Variants in CTNNA3 observed in about 807,000 individuals in gnomAD.
CTNNA3 encodes the protein catenin alpha-3.
Under a neutral mutation model 95.7 loss-of-function variants are expected in CTNNA3, and 76 were observed. The ratio of observed to expected loss-of-function variants is 0.79; its 90% CI spans 0.66 to 0.96. The LOEUF is 0.96. Among genes scored for constraint, CTNNA3 ranks in the 40% least tolerant of loss-of-function variants. The pLI is 0.00. For missense variants in CTNNA3, 1,191 were observed against 1,089.8 expected, an observed-to-expected ratio of 1.09 and a Z score of -1.31; for synonymous variants, 431 against 374.4, an observed-to-expected ratio of 1.15 and a Z score of -1.74.
At chr10:66,481,461 CTTTTTTTTTTTT>C (rs148278459) in intron 11 of CTNNA3, among the ~76,000 whole-genome samples, 26 of 73,238 alleles carry the variant, frequency 3.6e-4, no homozygotes, top group South Asian at 1.1e-3. Flanking sequence ...TCCCTTGTTT[CTTTTTTTTTTTT>C]TTTTTTTTTT....
chr10:66,775,537 A>C lies in CTNNA3; in HGVS notation c.1048-13T>G. On this transcript the variant is annotated splice_polypyrimidine_tract_variant and intron_variant, in intron 7 of 17. Coordinates refer to ENST00000433211, the MANE Select transcript of CTNNA3 (RefSeq NM_013266.4). ...CTTTTTTTCCAGCCTGCAAAGAAGA[A>C]AAAACGACATAAGCAATGGTATCAA... The C allele has an allele frequency of 6.3e-7, 1 of 1,577,454 alleles. No individual in the cohort carries two copies. Among genetic ancestry groups the C allele is most frequent in the Non-Finnish European group, 8.7e-7 (1 of 1,152,864 alleles).
intron 1 of CTNNA3, among the ~76,000 whole-genome samples, chr10:67,719,756 C>G (rs1207925116): frequency 6.6e-6 from 1 of 152,058 alleles, no homozygotes; most frequent in African/African-American, 2.4e-5. Context: ...CTATGTGGTG[C>G]TGAGAAGAAT....
intron 1 of CTNNA3, among the ~76,000 whole-genome samples, chr10:67,683,122 T>C (rs1026901725): frequency 8.5e-5 from 13 of 152,232 alleles, no homozygotes; most frequent in Non-Finnish European, 1.8e-4. Flanking sequence ...ATTCTTAAGA[T>C]TCCTTTGTAA....
chr10:66,163,102 G>A (rs2084936072), intron 13 of CTNNA3, among the ~76,000 whole-genome samples: 1 of 152,160 alleles, frequency 6.6e-6, no homozygotes. Context: ...TGAAGGGCGA[G>A]ATGGGCTTGA....
intron 13 of CTNNA3, among the ~76,000 whole-genome samples, chr10:66,258,207 C>T (rs1382105969): frequency 6.6e-6 from 1 of 152,174 alleles, no homozygotes; most frequent in African/African-American, 2.4e-5. Flanking sequence ...GACAAAAATA[C>T]AGTGTTAGTA....
intron 11 of CTNNA3, among the ~76,000 whole-genome samples, chr10:66,448,031 C>G (rs1208073307): frequency 6.6e-6 from 1 of 152,178 alleles, no homozygotes; most frequent in Non-Finnish European, 1.5e-5. Context: ...TGAGCAGATA[C>G]TTCTCAAAAG....
intron 2 of CTNNA3, among the ~76,000 whole-genome samples, chr10:67,644,943 G>T (rs896214137): frequency 2.0e-5 from 3 of 152,044 alleles, no homozygotes; most frequent in African/African-American, 7.2e-5. Flanking sequence ...AGAACTGTCT[G>T]GTATGTAAAA....
At chr10:66,147,819 G>A (rs906033881) in intron 13 of CTNNA3, among the ~76,000 whole-genome samples, 1 of 151,202 alleles carries the variant, frequency 6.6e-6, no homozygotes, top group Non-Finnish European at 1.5e-5. Flanking sequence ...AGTATGCTAT[G>A]TTTATATTAG....
At chr10:67,228,230 CAA>C (rs1254448972) in intron 5 of CTNNA3, among the ~76,000 whole-genome samples, 3 of 152,056 alleles carry the variant, frequency 2.0e-5, no homozygotes, top group South Asian at 2.1e-4. Flanking sequence ...ATAAATGAAA[CAA>C]AAAGTTAGTT....
At chr10:66,702,989 A>G (rs376916078) in intron 9 of CTNNA3, among the ~76,000 whole-genome samples, 1 of 152,258 alleles carries the variant, frequency 6.6e-6, no homozygotes, top group East Asian at 1.9e-4. Flanking sequence ...CCATTGGTCA[A>G]TGAAGAATTG....
intron 11 of CTNNA3, among the ~76,000 whole-genome samples, chr10:66,457,580 T>C (rs887450384): frequency 4.0e-5 from 6 of 150,482 alleles, no homozygotes. Flanking sequence ...CATTCATAAT[T>C]GCTGAAAAAC....
At chr10:66,845,754 TACACACAC>T (rs140313786) in intron 7 of CTNNA3, among the ~76,000 whole-genome samples, 1 of 108,630 alleles carries the variant, frequency 9.2e-6, no homozygotes, top group South Asian at 3.2e-4. Context: ...TATATATACA[TACACACAC>T]ACACACACAC....
intron 7 of CTNNA3, among the ~76,000 whole-genome samples, chr10:67,108,058 G>A (rs1858746824): frequency 6.6e-6 from 1 of 152,166 alleles, no homozygotes; most frequent in African/African-American, 2.4e-5. Flanking sequence ...CTGAAATAAG[G>A]AAAAGTCCTG....
At chr10:67,017,415 G>A (rs1205374995) in intron 7 of CTNNA3, among the ~76,000 whole-genome samples, 1 of 152,162 alleles carries the variant, frequency 6.6e-6, no homozygotes. Flanking sequence ...GAAGAACAGA[G>A]TTGATTATGT....
chr10:67,651,372 G>A (rs931341883), intron 1 of CTNNA3, among the ~76,000 whole-genome samples: 2 of 151,852 alleles, frequency 1.3e-5, no homozygotes, highest in Non-Finnish European at 2.9e-5. Flanking sequence ...ATTTTATTTT[G>A]TCTTCCTAAC....
intron 15 of CTNNA3, among the ~76,000 whole-genome samples, chr10:66,009,014 C>T (rs1227567618): frequency 6.6e-6 from 1 of 152,022 alleles, no homozygotes; most frequent in African/African-American, 2.4e-5. Flanking sequence ...GCAGGAGAAT[C>T]ACTTGAACCC....
chr10:65,935,351 T>C (rs1017635038), intron 17 of CTNNA3, among the ~76,000 whole-genome samples: 1 of 152,168 alleles, frequency 6.6e-6, no homozygotes, highest in Non-Finnish European at 1.5e-5. Context: ...ACTTGGTTTT[T>C]TTTAATCTTA....
chr10:66,344,224 C>G (rs113248292), intron 12 of CTNNA3, among the ~76,000 whole-genome samples: 52,292 of 99,984 alleles, frequency 0.52, 10,959 homozygotes, highest in Non-Finnish European at 0.59. Flanking sequence ...GAGACTCCAT[C>G]TCAAAAAAAA....
chr10:66,072,434 A>G (rs2080458692), intron 14 of CTNNA3, among the ~76,000 whole-genome samples: 1 of 103,398 alleles, frequency 9.7e-6, no homozygotes, highest in South Asian at 3.6e-4. Context: ...TGCCTGAAAC[A>G]TTTTCTTGTT....
Sources: allele counts gnomAD v4.1 joint callset (sites outside exome capture counted in the v4.1 genomes callset), GRCh38; gene constraint gnomAD v4.1.1; transcripts MANE v1.5; gene names NCBI Gene and HGNC (gene_info 2026-07-23, HGNC 2026-07-21).